The following SNTG1 variants were observed in gnomAD, a reference collection of about 807,000 sequenced individuals.
The protein encoded by SNTG1 is gamma-1-syntrophin.
In SNTG1, 39 loss-of-function variants were observed where a neutral mutation model predicts 74.7. The ratio of observed to expected loss-of-function variants is 0.52; its 90% CI spans 0.40 to 0.68. SNTG1 has a LOEUF of 0.68. SNTG1 is among the 30% of genes least tolerant of loss of function. The pLI is 0.00. For missense variants in SNTG1, 685 were observed against 609.5 expected, an observed-to-expected ratio of 1.12 and a Z score of -1.30; for synonymous variants, 254 against 217.1, an observed-to-expected ratio of 1.17 and a Z score of -1.49.
At chr8:50,318,821 T>C (rs964302383) in intron 2 of SNTG1, among the ~76,000 whole-genome samples, 2 of 152,180 alleles carry the variant, frequency 1.3e-5, no homozygotes, top group African/African-American at 2.4e-5. Flanking sequence ...CATCCTATCA[T>C]CAACCTTCTA....
intron 2 of SNTG1, among the ~76,000 whole-genome samples, chr8:50,355,453 T>C (rs1466123111): frequency 3.3e-5 from 5 of 152,162 alleles, no homozygotes; most frequent in Non-Finnish European, 7.4e-5. Context: ...ATGTTAGTAT[T>C]TTTGGGTGAA....
At chr8:50,461,339 T>TA (rs1563418508) in intron 8 of SNTG1, among the ~76,000 whole-genome samples, 1 of 152,120 alleles carries the variant, frequency 6.6e-6, no homozygotes, top group Non-Finnish European at 1.5e-5. Context: ...CTGTCTGAGA[T>TA]AGAGTTTTTC....
intron 1 of SNTG1, among the ~76,000 whole-genome samples, chr8:50,117,799 A>G (rs1022400733): frequency 2.6e-5 from 4 of 152,160 alleles, no homozygotes; most frequent in Admixed American, 1.3e-4. Flanking sequence ...GAGGAAGCCA[A>G]CATTTCCTCT....
chr8:50,791,541 G>C (rs2095690616), intron 18 of SNTG1, among the ~76,000 whole-genome samples: 1 of 151,678 alleles, frequency 6.6e-6, no homozygotes, highest in Non-Finnish European at 1.5e-5. Flanking sequence ...TATTTAAATA[G>C]CTGTCTGGTA....
In SNTG1 at chr8:50,242,500, C is replaced by T. The variant is rs372061514; in HGVS notation, c.-28+69865C>T. ...CCAAAATCATGCCACTGCTCTCCAG[C>T]CTGGGTGAAAGAGTGAGAATCCATC... On this transcript the variant is annotated intron_variant, in intron 2 of 18. Coordinates refer to ENST00000642720, the MANE Select transcript of SNTG1 (RefSeq NM_018967.5). Among the ~76,000 whole-genome samples the T allele has an allele frequency of 2.8e-5, 4 of 143,012 alleles. No individual in the cohort carries two copies. The East Asian group carries it at 6.4e-4, about 23-fold the overall frequency. The allele number at this position is 143,012 out of a possible 152,430, so 93.8% of individuals were successfully genotyped here.
intron 12 of SNTG1, 48 bp downstream of exon 12, chr8:50,553,227 T>TA: frequency 4.3e-6 from 7 of 1,609,762 alleles, no homozygotes; most frequent in Non-Finnish European, 5.9e-6. Flanking sequence ...TCAGGCTTTA[T>TA]AAAATCCTTC....
At chr8:50,790,794 C>T (rs1412066347) in intron 18 of SNTG1, among the ~76,000 whole-genome samples, 1 of 151,674 alleles carries the variant, frequency 6.6e-6, no homozygotes, top group Non-Finnish European at 1.5e-5. Flanking sequence ...AAATAATTGA[C>T]AAGGTGGGAG....
At chr8:50,168,698 C>A (rs751523123) in intron 1 of SNTG1, among the ~76,000 whole-genome samples, 1 of 152,132 alleles carries the variant, frequency 6.6e-6, no homozygotes, top group Non-Finnish European at 1.5e-5. Flanking sequence ...GTATTTTATT[C>A]TATTTTCCTT....
intron 5 of SNTG1, among the ~76,000 whole-genome samples, chr8:50,445,260 T>C (rs546947756): frequency 1.3e-5 from 2 of 152,350 alleles, no homozygotes; most frequent in Admixed American, 6.5e-5. Context: ...GCCTCTTCTG[T>C]AGTTGTCCAT....
intron 1 of SNTG1, among the ~76,000 whole-genome samples, chr8:50,116,493 A>T (rs550243811): frequency 6.6e-6 from 1 of 152,242 alleles, no homozygotes; most frequent in African/African-American, 2.4e-5. Context: ...GTTGGAATGG[A>T]CTTTAAAACC....
At position 50,125,637 on chromosome 8, in the gene SNTG1, C is replaced by T. The variant is rs572847658; in HGVS notation, c.-102-46924C>T. ...CTGAATTCACACTATGTCCTAAGAA[C>T]GGTGCGAGCTCTGTGGATAGAAGGA... On this transcript the variant is annotated intron_variant, in intron 1 of 18. Coordinates refer to ENST00000642720, the MANE Select transcript of SNTG1 (RefSeq NM_018967.5). Among the ~76,000 whole-genome samples, 23 of 141,546 alleles carry T rather than the reference C, an allele frequency of 1.6e-4. 4 individuals carry two copies. The highest frequency in any genetic ancestry group is 1.4e-3 in the East Asian group (7 of 4,928). 92.9% of individuals were successfully genotyped at this position (141,546 alleles called of 152,430 possible).
At chr8:50,098,395 A>T (rs908612613) in intron 1 of SNTG1, among the ~76,000 whole-genome samples, 2 of 152,204 alleles carry the variant, frequency 1.3e-5, no homozygotes, top group African/African-American at 4.8e-5. Context: ...TACTGAAGAT[A>T]TACTGACTTT....
chr8:50,781,694 G>A (rs1035656609), intron 18 of SNTG1, among the ~76,000 whole-genome samples: 2 of 152,238 alleles, frequency 1.3e-5, no homozygotes, highest in East Asian at 1.9e-4. Context: ...GGAGCATTTA[G>A]CCCATTTACA....
intron 2 of SNTG1, among the ~76,000 whole-genome samples, chr8:50,224,565 T>A (rs1315046253): frequency 3.3e-5 from 5 of 152,180 alleles, no homozygotes; most frequent in Non-Finnish European, 7.3e-5. Flanking sequence ...TTTTCCTGAA[T>A]GCAGTTGTAA....
intron 1 of SNTG1, among the ~76,000 whole-genome samples, chr8:50,165,595 C>T (rs1234235639): frequency 3.9e-5 from 6 of 152,134 alleles, no homozygotes; most frequent in Admixed American, 6.5e-5. Context: ...GGACACTCAT[C>T]GACCATGTTC....
chr8:50,246,617 T>C (rs1237899985), intron 2 of SNTG1, among the ~76,000 whole-genome samples: 10 of 152,032 alleles, frequency 6.6e-5, no homozygotes, highest in Non-Finnish European at 1.3e-4. Flanking sequence ...AAATTGCCCT[T>C]GTTTGATGAG....
At chr8:49,958,534 C>T (rs56040457) in intron 1 of SNTG1, among the ~76,000 whole-genome samples, 15,014 of 151,916 alleles carry the variant, frequency 0.099, 1,094 homozygotes, top group South Asian at 0.19. Flanking sequence ...CAGTTCTCTG[C>T]CTCAGCCTCC....
intron 2 of SNTG1, among the ~76,000 whole-genome samples, chr8:50,184,461 G>T (rs1431097590): frequency 6.6e-6 from 1 of 152,098 alleles, no homozygotes; most frequent in East Asian, 1.9e-4. Flanking sequence ...ACCGTGCCCG[G>T]CCTACATCTT....
At chr8:50,463,706 C>T (rs2093586456) in intron 8 of SNTG1, among the ~76,000 whole-genome samples, 1 of 152,114 alleles carries the variant, frequency 6.6e-6, no homozygotes, top group Non-Finnish European at 1.5e-5. Flanking sequence ...AAGTCGCTAG[C>T]ATTTTCAAAA....
Sources: allele counts gnomAD v4.1 joint callset (sites outside exome capture counted in the v4.1 genomes callset), GRCh38; gene constraint gnomAD v4.1.1; transcripts MANE v1.5; gene names NCBI Gene and HGNC (gene_info 2026-07-23, HGNC 2026-07-21).